The following ADGRL3 variants were observed in gnomAD, a reference collection of about 807,000 sequenced individuals.
ADGRL3 encodes the protein calcium-independent alpha-latrotoxin receptor 3.
ADGRL3 carries 62 observed loss-of-function variants against 153.5 expected under a neutral mutation model. The observed-to-expected ratio is 0.40, with a 90% CI of 0.33 to 0.50. The LOEUF (loss-of-function observed/expected upper bound fraction) is 0.50, where lower values mean the gene tolerates loss of function less well. Ranked by LOEUF, ADGRL3 falls within the 20% of genes least tolerant of loss-of-function variation. The probability of loss-of-function intolerance (pLI) is 0.47; values close to 1 mark genes in which losing one functional copy is unlikely to be tolerated. For missense variants in ADGRL3, 1,641 were observed against 1,859.4 expected (o/e 0.88, Z 2.16); for synonymous variants, 710 against 672.5 (o/e 1.06, Z -0.86).
chr4:61,579,931 TG>T (rs1399805035), intron 4 of ADGRL3, among the ~76,000 whole-genome samples: 2 of 152,132 alleles, frequency 1.3e-5, no homozygotes, highest in African/African-American at 2.4e-5. Context: ...TTACCAGTGT[TG>T]TTTTTGCTGC....
intron 9 of ADGRL3, among the ~76,000 whole-genome samples, chr4:61,827,222 T>G (rs1050937471): frequency 6.6e-6 from 1 of 152,188 alleles, no homozygotes; most frequent in East Asian, 1.9e-4. Flanking sequence ...AAAGACCGCA[T>G]TTGCTGTGCC....
chr4:61,932,981 T>A (rs995082467), intron 13 of ADGRL3, among the ~76,000 whole-genome samples: 1 of 152,084 alleles, frequency 6.6e-6, no homozygotes, highest in Non-Finnish European at 1.5e-5. Context: ...GTATTTTTTT[T>A]AAATTATGAA....
At position 61,558,224 on chromosome 4, in the gene ADGRL3, C is replaced by A. The variant is rs536969210; in HGVS notation, c.260-29003C>A. Among the ~76,000 whole-genome samples the A allele has an allele frequency of 6.4e-5, 9 of 140,788 alleles. 1 individual carries two copies. In the East Asian group the frequency reaches 1.9e-3, roughly 29 times the overall value. 92.4% of individuals were successfully genotyped at this position (140,788 alleles called of 152,430 possible). A position where few individuals can be genotyped will look rare whatever the true frequency, so the allele number is the denominator to read the frequency against. ...TTACACTGTGTCTTATCACAGTATCCTGAATTTTCTGGCTACAAAAATCTT... is the reference window on the plus strand; with the variant it reads ...TTACACTGTGTCTTATCACAGTATCATGAATTTTCTGGCTACAAAAATCTT... On this transcript the variant is annotated intron_variant, in intron 4 of 26. Transcript: ENST00000683033.
chr4:61,356,617 C>G (rs924783251), intron 1 of ADGRL3, among the ~76,000 whole-genome samples: 1 of 152,002 alleles, frequency 6.6e-6, no homozygotes, highest in African/African-American at 2.4e-5. Context: ...GAGTATTTGA[C>G]AAGGTCATTG....
In ADGRL3 at chr4:62,031,598, C is replaced by T. The variant is rs1722057303; in HGVS notation, c.3579C>T (p.Val1193=). ...TGTTTATATTTATTTTCCATTGTGT[C>T]CTACAGAAGAAGGTAAGCTAGAATT... ...QGMFIFIFHC[V]LQKKVRKEYG... is the part of the protein sequence containing the mutation. The change falls in exon 23 of 27, where the codon GTC becomes GTT. Residue 1193 remains valine (V), a synonymous_variant. Coordinates refer to ENST00000683033, the MANE Select transcript of ADGRL3 (RefSeq NM_001387552.1). 2 of 1,603,412 alleles carry T rather than the reference C, an allele frequency of 1.2e-6. No individual in the cohort carries two copies. Among genetic ancestry groups the T allele is most frequent in the South Asian group, 2.2e-5 (2 of 89,980 alleles).
chr4:61,331,555 A>G (rs2095573066), intron 1 of ADGRL3, among the ~76,000 whole-genome samples: 1 of 152,122 alleles, frequency 6.6e-6, no homozygotes, highest in Non-Finnish European at 1.5e-5. Flanking sequence ...GGTTTTCCTT[A>G]ATACTTGTAT....
intron 9 of ADGRL3, among the ~76,000 whole-genome samples, chr4:61,869,193 C>G (rs189502132): frequency 5.1e-4 from 78 of 152,210 alleles, no homozygotes; most frequent in African/African-American, 1.8e-3. Flanking sequence ...ACCTTCCTAC[C>G]TTGGTCTCCC....
At chr4:61,583,832 T>C (rs534360367) in intron 4 of ADGRL3, 80 of 487,780 alleles carry the variant, frequency 1.6e-4, no homozygotes, top group South Asian at 1.2e-3. Flanking sequence ...GATTACCTCA[T>C]GGAATAAAAG....
chr4:61,770,745 T>C (rs2097074609), intron 8 of ADGRL3, among the ~76,000 whole-genome samples: 1 of 152,196 alleles, frequency 6.6e-6, no homozygotes, highest in Non-Finnish European at 1.5e-5. Context: ...GAGGCTGACC[T>C]ACCTATCAAA....
intron 4 of ADGRL3, among the ~76,000 whole-genome samples, chr4:61,560,388 T>TA (rs2098789891): frequency 1.3e-5 from 2 of 152,206 alleles, no homozygotes; most frequent in Admixed American, 1.3e-4. Context: ...GTAGAAATTG[T>TA]AAAAAAGAAT....
At chr4:61,445,114 C>G (rs1215483550) in intron 2 of ADGRL3, among the ~76,000 whole-genome samples, 2 of 152,020 alleles carry the variant, frequency 1.3e-5, no homozygotes, top group East Asian at 1.9e-4. Context: ...TATTGAATCT[C>G]TCCATTATTT....
chr4:61,304,873 A>G (rs2094715909), intron 1 of ADGRL3, among the ~76,000 whole-genome samples: 1 of 152,186 alleles, frequency 6.6e-6, no homozygotes, highest in Admixed American at 6.5e-5. Context: ...TCTTAAGATG[A>G]GAATCACCTA....
intron 2 of ADGRL3, among the ~76,000 whole-genome samples, chr4:61,408,740 A>G (rs2152234957): frequency 6.6e-6 from 1 of 152,264 alleles, no homozygotes; most frequent in African/African-American, 2.4e-5. Context: ...TTTTAGACTA[A>G]GATTCAAATA....
At chr4:61,916,660 A>G (rs1446996860) in intron 13 of ADGRL3, among the ~76,000 whole-genome samples, 1 of 152,128 alleles carries the variant, frequency 6.6e-6, no homozygotes, top group Non-Finnish European at 1.5e-5. Flanking sequence ...ACTAAGAATA[A>G]CAGTGATTTG....
chr4:61,258,351 G>A (rs185856282), intron 1 of ADGRL3, among the ~76,000 whole-genome samples: 1 of 152,260 alleles, frequency 6.6e-6, no homozygotes, highest in East Asian at 1.9e-4. Flanking sequence ...GGATCCCCTG[G>A]AATTCATAAG....
At chr4:62,061,389 A>G (rs771539127) in intron 25 of ADGRL3, among the ~76,000 whole-genome samples, 1 of 151,902 alleles carries the variant, frequency 6.6e-6, no homozygotes, top group African/African-American at 2.4e-5. Flanking sequence ...CTATACTGCA[A>G]TATCACACCA....
intron 9 of ADGRL3, among the ~76,000 whole-genome samples, chr4:61,833,090 TG>T (rs1270090188): frequency 1.3e-5 from 2 of 152,218 alleles, no homozygotes; most frequent in African/African-American, 4.8e-5. Flanking sequence ...AGTGTTTATT[TG>T]TATTTTTATC....
chr4:61,857,068 CTTTCTTTCTTTCTTTT>C (rs1299780837), intron 9 of ADGRL3, among the ~76,000 whole-genome samples: 46 of 149,512 alleles, frequency 3.1e-4, no homozygotes, highest in African/African-American at 1.1e-3. Flanking sequence ...CTCTCTCTCT[CTTTCTTTCTTTCTTTT>C]TTTCTTTCTT....
At chr4:61,706,884 T>A (rs1032267517) in intron 6 of ADGRL3, among the ~76,000 whole-genome samples, 2 of 152,232 alleles carry the variant, frequency 1.3e-5, no homozygotes, top group Non-Finnish European at 2.9e-5. Context: ...CTAACCATTT[T>A]GCACCAGAAG....
Sources: gnomAD v4.1 joint callset for allele counts (sites outside exome capture counted in the v4.1 genomes callset) on GRCh38, gnomAD v4.1.1 for gene constraint, MANE v1.5 for transcripts, NCBI Gene and HGNC (gene_info 2026-07-23, HGNC 2026-07-21) for gene names.